The following DPP6 variants were observed in gnomAD, a reference collection of about 807,000 sequenced individuals.
DPP6 encodes dipeptidyl peptidase like 6.
In DPP6, 69 loss-of-function variants were observed where a neutral mutation model predicts 122.6. The observed-to-expected ratio is 0.56, with a 90% CI of 0.46 to 0.69. The LOEUF is 0.69. Among genes scored for constraint, DPP6 ranks in the 30% least tolerant of loss-of-function variants. The pLI is 0.00. For synonymous variants in DPP6, 418 were observed against 433.1 expected, an observed-to-expected ratio of 0.97 and a Z score of 0.43; for missense variants, 928 against 1,116.9, an observed-to-expected ratio of 0.83 and a Z score of 2.41.
chr7:154,256,504 T>G (rs1802669567), intron 1 of DPP6, among the ~76,000 whole-genome samples: 1 of 152,224 alleles, frequency 6.6e-6, no homozygotes, highest in South Asian at 2.1e-4. Context: ...CCAAATATCT[T>G]TAAAGATTTC....
At chr7:154,692,389 G>T (rs1276790734) in intron 7 of DPP6, among the ~76,000 whole-genome samples, 1 of 152,200 alleles carries the variant, frequency 6.6e-6, no homozygotes, top group Non-Finnish European at 1.5e-5. Flanking sequence ...ACGTCCTAGT[G>T]ATCACATCAA....
rs188833438 is a variant in DPP6 at position 154,497,979 on chromosome 7, G to A, written c.457+22942G>A. Reference sequence around the variant, plus strand: ...GCAGGATGATGGGGGAGGACGCGTTGTGTCTCTATCATGGCAATCAGAAGA... The same window carrying A: ...GCAGGATGATGGGGGAGGACGCGTTATGTCTCTATCATGGCAATCAGAAGA... On this transcript the variant is annotated intron_variant, in intron 3 of 25. Coordinates refer to ENST00000377770, the MANE Select transcript of DPP6 (RefSeq NM_130797.4). Among the ~76,000 whole-genome samples the A allele has an allele frequency of 7.9e-5, 12 of 152,230 alleles. No individual in the cohort carries two copies. In the East Asian group the frequency reaches 2.1e-3, roughly 27 times the overall value.
At chr7:154,225,668 G>T (rs1392804634) in intron 1 of DPP6, among the ~76,000 whole-genome samples, 5 of 152,124 alleles carry the variant, frequency 3.3e-5, no homozygotes, top group African/African-American at 1.2e-4. Context: ...TGTAACACTT[G>T]TGTAGGGAAT....
At chr7:154,746,919 A>G (rs1032443149) in intron 8 of DPP6, among the ~76,000 whole-genome samples, 16 of 152,212 alleles carry the variant, frequency 1.1e-4, no homozygotes, top group Admixed American at 7.2e-4. Flanking sequence ...ACTCAAGTAT[A>G]AGCACCCTAT....
At chr7:153,958,431 C>T (rs2129026760) in intron 1 of DPP6, among the ~76,000 whole-genome samples, 1 of 152,222 alleles carries the variant, frequency 6.6e-6, no homozygotes, top group East Asian at 2.0e-4. Flanking sequence ...TTCTCTTGGG[C>T]AGAGCTCAGT....
intron 8 of DPP6, among the ~76,000 whole-genome samples, chr7:154,749,159 G>A (rs1243563790): frequency 6.7e-6 from 1 of 148,382 alleles, no homozygotes; most frequent in Admixed American, 6.7e-5. Context: ...GAGAGAGGGT[G>A]AGGGAGCATA....
At chr7:153,888,705 C>CTTTTTTTTT (rs142238331) in intron 1 of DPP6, among the ~76,000 whole-genome samples, 1 of 76,998 alleles carries the variant, frequency 1.3e-5, no homozygotes. Context: ...CTGGCTGGCA[C>CTTTTTTTTT]TTTTTTTTTT....
chr7:154,560,575 CAT>C (rs1163501358), intron 4 of DPP6, among the ~76,000 whole-genome samples: 7 of 152,092 alleles, frequency 4.6e-5, no homozygotes, highest in Non-Finnish European at 1.0e-4. Flanking sequence ...AATATAAAGA[CAT>C]AGATTAAAAT....
intron 1 of DPP6, among the ~76,000 whole-genome samples, chr7:154,364,554 G>A (rs1227331297): frequency 6.6e-6 from 1 of 152,190 alleles, no homozygotes; most frequent in African/African-American, 2.4e-5. Context: ...GCGGTGGGGT[G>A]GGGGGTTGCA....
At chr7:154,627,000 CTTTTTTTTTTTTTTTTTTT>C (rs552919287) in intron 5 of DPP6, among the ~76,000 whole-genome samples, 5 of 52,104 alleles carry the variant, frequency 9.6e-5, no homozygotes, top group Admixed American at 6.7e-4. Context: ...GAAATTTTTT[CTTTTTTTTTTTTTTTTTTT>C]TTTTTTTTTT....
At chr7:154,405,142 C>A (rs142305139) in intron 1 of DPP6, among the ~76,000 whole-genome samples, 189 of 152,024 alleles carry the variant, frequency 1.2e-3, no homozygotes, top group African/African-American at 4.4e-3. Context: ...AAAGTAAGAC[C>A]CATTATTATC....
At chr7:154,725,193 T>A (rs1842006930) in intron 7 of DPP6, among the ~76,000 whole-genome samples, 1 of 152,204 alleles carries the variant, frequency 6.6e-6, no homozygotes, top group African/African-American at 2.4e-5. Flanking sequence ...ATGAATGTTG[T>A]TGAATGAATA....
chr7:154,614,691 G>A (rs931656624), intron 5 of DPP6, among the ~76,000 whole-genome samples: 2 of 152,174 alleles, frequency 1.3e-5, no homozygotes, highest in African/African-American at 4.8e-5. Context: ...AACTTTAAAT[G>A]TTAATGTTTC....
chr7:154,433,382 T>TG (rs1287887567), intron 1 of DPP6, among the ~76,000 whole-genome samples: 1 of 151,722 alleles, frequency 6.6e-6, no homozygotes, highest in Non-Finnish European at 1.5e-5. Context: ...TTGGCCAGGC[T>TG]GGTCTTGAAC....
At chr7:154,885,476 G>GT in intron 21 of DPP6, 157 bp from the exon 22 acceptor site, 1 of 1,032,342 alleles carries the variant, frequency 9.7e-7, no homozygotes. Context: ...TTCATCTCTT[G>GT]TTACTGCCCC....
intron 1 of DPP6, chr7:154,092,716 G>T (rs562487132): frequency 6.6e-6 from 1 of 152,176 alleles, no homozygotes; most frequent in African/African-American, 2.4e-5. Flanking sequence ...CCCACCGTAG[G>T]TTGCTCTATT....
chr7:154,027,631 A>G (rs1033507552), intron 1 of DPP6, among the ~76,000 whole-genome samples: 1 of 152,048 alleles, frequency 6.6e-6, no homozygotes, highest in Non-Finnish European at 1.5e-5. Context: ...GGGCGGCATT[A>G]AATAGTCGAT....
At chr7:154,660,627 T>A (rs1310060802) in intron 6 of DPP6, among the ~76,000 whole-genome samples, 1 of 138,164 alleles carries the variant, frequency 7.2e-6, no homozygotes, top group Non-Finnish European at 1.5e-5. Flanking sequence ...TTGGCCGTAG[T>A]GTTCATATAC....
At chr7:153,905,442 T>A (rs1301015685) in intron 1 of DPP6, among the ~76,000 whole-genome samples, 1 of 152,146 alleles carries the variant, frequency 6.6e-6, no homozygotes, top group Admixed American at 6.5e-5. Flanking sequence ...ATTATTATAT[T>A]AACATAAGCA....
Sources: allele counts gnomAD v4.1 joint callset (sites outside exome capture counted in the v4.1 genomes callset), GRCh38; gene constraint gnomAD v4.1.1; transcripts MANE v1.5; gene names NCBI Gene and HGNC (gene_info 2026-07-23, HGNC 2026-07-21).